The following KALRN variants were observed in gnomAD, a reference collection of about 807,000 sequenced individuals.
The protein encoded by KALRN is kalirin RhoGEF kinase.
A neutral mutation model predicts 353.7 loss-of-function variants in KALRN; 70 were observed. The ratio of observed to expected loss-of-function variants is 0.20; its 90% CI spans 0.16 to 0.24. KALRN has a LOEUF of 0.24. KALRN is among the 10% of genes least tolerant of loss of function. The pLI, the probability that KALRN is intolerant of heterozygous loss-of-function variation, is 1.00. For synonymous variants in KALRN, 1,391 were observed against 1,434.8 expected (o/e 0.97, Z 0.69); for missense variants, 2,791 against 3,756.7 (o/e 0.74, Z 6.72).
At chr3:124,564,601 G>A (rs35993356) in intron 34 of KALRN, among the ~76,000 whole-genome samples, 57,181 of 151,934 alleles carry the variant, frequency 0.38, 11,378 homozygotes, top group African/African-American at 0.51. Context: ...GATCATTTGA[G>A]CCTGGGAAGA....
intron 25 of KALRN, among the ~76,000 whole-genome samples, chr3:124,464,460 C>A (rs1158923317): frequency 6.6e-6 from 1 of 152,160 alleles, no homozygotes. Flanking sequence ...AGCTGAAAAT[C>A]TACCTACCAG....
At chr3:124,492,971 T>A in intron 32 of KALRN, 89 bp downstream of exon 32, 2 of 1,485,288 alleles carry the variant, frequency 1.3e-6, no homozygotes, top group Non-Finnish European at 1.8e-6. Flanking sequence ...AAGGGGGATG[T>A]GCCCAGCAGG....
chr3:124,421,453 G>A (rs1432421558), intron 14 of KALRN, among the ~76,000 whole-genome samples: 1 of 152,178 alleles, frequency 6.6e-6, no homozygotes, highest in Non-Finnish European at 1.5e-5. Context: ...ATGTGTATAT[G>A]AGAGATATTT....
intron 1 of KALRN, among the ~76,000 whole-genome samples, chr3:124,167,717 G>T (rs1008414902): frequency 5.9e-5 from 9 of 152,226 alleles, no homozygotes; most frequent in African/African-American, 1.2e-4. Flanking sequence ...GCAAAGTCTG[G>T]TTGGGATGCC....
At chr3:124,566,889 G>T (rs892110652) in intron 34 of KALRN, among the ~76,000 whole-genome samples, 10 of 152,178 alleles carry the variant, frequency 6.6e-5, no homozygotes, top group African/African-American at 2.4e-5. Context: ...TCCCATAAGA[G>T]AACTGGTCCT....
intron 25 of KALRN, among the ~76,000 whole-genome samples, chr3:124,468,492 A>G (rs2060567512): frequency 6.6e-6 from 1 of 152,058 alleles, no homozygotes; most frequent in Non-Finnish European, 1.5e-5. Flanking sequence ...ACCCCTTCCC[A>G]ACACACACAC....
intron 33 of KALRN, chr3:124,519,267 G>A (rs763696520): frequency 2.1e-4 from 196 of 955,272 alleles, no homozygotes; most frequent in Middle Eastern, 1.1e-3. Flanking sequence ...ATGATGGTAC[G>A]TGGACATTCA....
chr3:124,298,555 C>T (rs1580671289), intron 5 of KALRN, among the ~76,000 whole-genome samples: 6 of 152,256 alleles, frequency 3.9e-5, no homozygotes, highest in Admixed American at 3.3e-4. Flanking sequence ...TCTCTTTTTC[C>T]CTTAGGCTCT....
chr3:124,309,073 G>T (rs764311849), intron 6 of KALRN, among the ~76,000 whole-genome samples: 47 of 152,186 alleles, frequency 3.1e-4, no homozygotes, highest in Admixed American at 1.3e-3. Flanking sequence ...TAGAAAGGTA[G>T]TAACAACTGA....
intron 27 of KALRN, among the ~76,000 whole-genome samples, chr3:124,480,307 G>T (rs2061857341): frequency 6.6e-6 from 1 of 152,120 alleles, no homozygotes; most frequent in African/African-American, 2.4e-5. Flanking sequence ...GAGGCAAATG[G>T]TGACAAAATT....
Position 124,178,944 on chromosome 3 carries a change from A to AT in KALRN, c.74-49039dup, listed in dbSNP as rs201138304. 4.9e-3 allele frequency among the ~76,000 whole-genome samples: 740 copies of AT among 152,206 alleles called. 10 individuals carry two copies. Among genetic ancestry groups the AT allele is most frequent in the African/African-American group, 0.017 (708 of 41,532 alleles). ...ACATAACGACCCAGTCTCTATAAAC[A>AT]TTTTTTTAAAAAATTAGCTGGGTAT... is the stretch of plus-strand genomic sequence containing the variant. On this transcript the variant is annotated intron_variant, in intron 1 of 59. Transcript: ENST00000682506.
At chr3:124,716,668 C>T (rs2150821864) in intron 58 of KALRN, among the ~76,000 whole-genome samples, 1 of 152,254 alleles carries the variant, frequency 6.6e-6, no homozygotes, top group Middle Eastern at 3.4e-3. Context: ...TGGCTAGGCA[C>T]AGTGGCCTCC....
intron 1 of KALRN, among the ~76,000 whole-genome samples, chr3:124,143,215 C>T (rs1031041401): frequency 2.8e-4 from 43 of 152,198 alleles, no homozygotes; most frequent in Non-Finnish European, 2.9e-5. Context: ...CCTTTCTTTC[C>T]GCAGCCACCA....
chr3:124,181,076 CAAAA>C (rs60579271), intron 1 of KALRN, among the ~76,000 whole-genome samples: 5 of 55,280 alleles, frequency 9.0e-5, no homozygotes, highest in South Asian at 1.9e-3. Flanking sequence ...ACTAAAAATA[CAAAA>C]AAAAAAAAAA....
At chr3:124,681,108 C>T (rs2150479273) in intron 51 of KALRN, among the ~76,000 whole-genome samples, 2 of 152,216 alleles carry the variant, frequency 1.3e-5, no homozygotes, top group Middle Eastern at 6.8e-3. Context: ...CAATTTAGGA[C>T]CTTGTCCAGT....
At chr3:124,466,032 CTCTGTGTGTG>C (rs1388598725) in intron 25 of KALRN, among the ~76,000 whole-genome samples, 2 of 99,844 alleles carry the variant, frequency 2.0e-5, no homozygotes, top group Non-Finnish European at 4.1e-5. Context: ...CTCTCTCTTG[CTCTGTGTGTG>C]TGTGTGTGTG....
At chr3:124,695,533 C>T (rs1253418430) in intron 53 of KALRN, among the ~76,000 whole-genome samples, 1 of 152,120 alleles carries the variant, frequency 6.6e-6, no homozygotes, top group East Asian at 1.9e-4. Context: ...TATCATAACC[C>T]TAGGGAAGGG....
At chr3:124,589,385 C>T (rs755816025) in intron 34 of KALRN, among the ~76,000 whole-genome samples, 6 of 152,088 alleles carry the variant, frequency 3.9e-5, no homozygotes, top group Non-Finnish European at 7.4e-5. Context: ...TGTGTGAGCC[C>T]AGGAGATCAA....
rs1490804484 is a variant in KALRN at position 124,360,843 on chromosome 3, A to G, written c.1770+13578A>G. Among the ~76,000 whole-genome samples the G allele has an allele frequency of 2.0e-5, 3 of 152,194 alleles. No individual in the cohort carries two copies. In the East Asian group the frequency reaches 5.8e-4, roughly 29 times the overall value. Reference sequence around the variant, plus strand: ...CTGCTGGGGAAGCCAGCATTTGTCTACGCTGAAAGAAGAGGGAGCATGTGA... The same window carrying G: ...CTGCTGGGGAAGCCAGCATTTGTCTGCGCTGAAAGAAGAGGGAGCATGTGA... On this transcript the variant is annotated intron_variant, in intron 10 of 59. Coordinates refer to ENST00000682506, the MANE Select transcript of KALRN (RefSeq NM_001388419.1).
Sources: gnomAD v4.1 joint callset for allele counts (sites outside exome capture counted in the v4.1 genomes callset) on GRCh38, gnomAD v4.1.1 for gene constraint, MANE v1.5 for transcripts, NCBI Gene and HGNC (gene_info 2026-07-23, HGNC 2026-07-21) for gene names.